Variants in SIRT3 observed in about 807,000 individuals in gnomAD.
SIRT3 encodes NAD-dependent protein deacetylase sirtuin-3, mitochondrial.
A neutral mutation model predicts 33.5 loss-of-function variants in SIRT3; 26 were observed. The ratio of observed to expected loss-of-function variants is 0.78; its 90% confidence interval spans 0.57 to 1.08. The LOEUF (loss-of-function observed/expected upper bound fraction) is 1.08, where lower values mean the gene tolerates loss of function less well. Among genes scored for constraint, SIRT3 ranks in the 50% least tolerant of loss-of-function variants. SIRT3 has a pLI of 0.00. For synonymous variants in SIRT3, 237 were observed against 222.1 expected (o/e 1.07, Z -0.60); for missense variants, 585 against 530.1 (o/e 1.10, Z -1.02).
chr11:236,525 G>T, upstream of SIRT3: 1 of 175,904 alleles, frequency 5.7e-6, no homozygotes, highest in Non-Finnish European at 1.1e-5. Context: ...TAGACGTAGA[G>T]GCGAGTAGAG....
At chr11:230,364 CT>C in intron 4 of SIRT3, 87 bp downstream of exon 4, 1 of 672,496 alleles carries the variant, frequency 1.5e-6, no homozygotes, top group Non-Finnish European at 2.3e-6. Context: ...TTCAACTGTC[CT>C]TTCGAGACAA....
upstream of SIRT3, chr11:236,381 G>GCGGCGCCCCGA: frequency 7.6e-6 from 1 of 132,366 alleles, no homozygotes; most frequent in Non-Finnish European, 9.2e-6. Flanking sequence ...CGGCGCCCCG[G>GCGGCGCCCCGA]CCCCGCCTCC....
intron 4 of SIRT3, chr11:225,926 C>T (rs1857122130): frequency 6.6e-6 from 1 of 152,212 alleles, no homozygotes; most frequent in Admixed American, 6.5e-5. Flanking sequence ...ACAGGAAAAA[C>T]ATGAGTCACG....
At chr11:235,943 C>G in intron 1 of SIRT3, 105 bp downstream of exon 1, 1 of 1,298,458 alleles carries the variant, frequency 7.7e-7, no homozygotes, top group Non-Finnish European at 1.0e-6. Context: ...TTGGAACGCA[C>G]GTAAACTCCC....
Position 232,980 on chromosome 11 carries a change from CA to C in SIRT3, c.706+2del, listed in dbSNP as rs1250221203. ...GAATGTGTGCGACTCACAGAGGGCT[CA>C]CCTCTCTCAAGCCCATCGATGTTCT... On this transcript the variant is annotated splice_donor_variant, in intron 3 of 6. Coordinates refer to ENST00000382743, the MANE Select transcript of SIRT3 (RefSeq NM_012239.6). LOFTEE classifies it high-confidence loss of function. 6.2e-7 allele frequency: 1 copy of C among 1,612,304 alleles called. No individual in the cohort carries two copies. Among genetic ancestry groups the C allele is most frequent in the Non-Finnish European group, 8.5e-7 (1 of 1,178,370 alleles).
intron 3 of SIRT3, chr11:230,773 G>A (rs1857844796): frequency 8.1e-6 from 3 of 372,506 alleles, no homozygotes; most frequent in South Asian, 2.4e-4. Context: ...CCAAATCACG[G>A]TTAAAACAAA....
intron 4 of SIRT3, among the ~76,000 whole-genome samples, chr11:229,228 G>A (rs894365305): frequency 3.2e-4 from 49 of 152,282 alleles, no homozygotes; most frequent in African/African-American, 9.9e-4. Context: ...AGAGGCAGGC[G>A]GATCACGAGG....
chr11:216,866 G>T, intron 6 of SIRT3, 148 bp from the exon 7 acceptor site: 1 of 887,206 alleles, frequency 1.1e-6, no homozygotes, highest in Non-Finnish European at 1.8e-6. Context: ...TGCTGTGCTG[G>T]GCTAAGAGGA....
chr11:219,666 C>T (rs1856160354), intron 5 of SIRT3, among the ~76,000 whole-genome samples: 1 of 150,140 alleles, frequency 6.7e-6, no homozygotes, highest in Non-Finnish European at 1.5e-5. Flanking sequence ...GGCTCATTAT[C>T]TGGGAGGAAA....
chr11:230,922 A>C (rs1245191754), intron 3 of SIRT3, among the ~76,000 whole-genome samples: 2 of 152,176 alleles, frequency 1.3e-5, no homozygotes, highest in African/African-American at 4.8e-5. Flanking sequence ...CTAGGAGTTC[A>C]AGACCGGCCT....
At chr11:225,352 C>T (rs1335145698) in intron 4 of SIRT3, among the ~76,000 whole-genome samples, 1 of 152,130 alleles carries the variant, frequency 6.6e-6, no homozygotes, top group Non-Finnish European at 1.5e-5. Context: ...GCGGAGGTTG[C>T]TGTGAGCTGA....
rs200128459 is a variant in SIRT3 at position 215,477 on chromosome 11, G to C, written c.*1221C>G. On this transcript the variant is annotated 3_prime_UTR_variant, in exon 7 of 7. Transcript: ENST00000382743. ...TTTTAGAATTCAACAGTTTTCCTAGGTCACCAATTCCACCTTTTGTTCTTA... is the reference window on the plus strand; with the variant it reads ...TTTTAGAATTCAACAGTTTTCCTAGCTCACCAATTCCACCTTTTGTTCTTA... 1.3e-5 allele frequency: 2 copies of C among 152,158 alleles called. No homozygotes were observed. Among genetic ancestry groups the C allele is most frequent in the South Asian group, 4.1e-4 (2 of 4,834 alleles). The allele number at this position is 152,158 out of a possible 1,614,324, so 9.4% of individuals were successfully genotyped here.
rs768153460 is a variant in SIRT3 at position 233,344 on chromosome 11, T to A, written c.472A>T (p.Arg158Ter). ...GGCAGGTGGGACTGTGGGCAGTACC[T>A]GAAGTCTGGAATGCCACTGGGTGTG... ...ISTPSGIPDF[R>*]SPGSGLYSNL... Residue 158 changes from arginine (R) to a stop codon, truncating the protein, a stop_gained and splice_region_variant, in exon 2 of 7, where the codon AGA (arginine) becomes TGA (stop). Transcript: ENST00000382743. LOFTEE classifies it high-confidence loss of function. 6.2e-7 allele frequency: 1 copy of A among 1,613,248 alleles called. No individual in the cohort carries two copies. The highest frequency in any genetic ancestry group is 1.7e-5 in the Admixed American group (1 of 59,946).
Position 236,196 on chromosome 11 carries a change from C to G in SIRT3, c.133G>C (p.Asp45His). ...GCRLVLGGRD[D>H]VSAGLRGSHG... ...CTGCCTCTCAGCCCCGCACTCACAT[C>G]GTCCCTGCCGCCAAGCACCAGCCGA... is the stretch of plus-strand genomic sequence containing the variant. The change falls in exon 1 of 7, where the codon GAT becomes CAT. Residue 45 changes from aspartate to histidine, a missense_variant. Coordinates refer to ENST00000382743, the MANE Select transcript of SIRT3 (RefSeq NM_012239.6). 6.4e-7 allele frequency: 1 copy of G among 1,560,228 alleles called. No homozygotes were observed. Among genetic ancestry groups the G allele is most frequent in the Non-Finnish European group, 8.6e-7 (1 of 1,156,076 alleles).
In SIRT3 at chr11:223,821, C is replaced by G; in HGVS notation, c.969+257G>C. 1 of 899,406 alleles carries G rather than the reference C, an allele frequency of 1.1e-6. No individual in the cohort carries two copies. Among genetic ancestry groups the G allele is most frequent in the African/African-American group, 1.7e-5 (1 of 57,554 alleles). The allele number at this position is 899,406 out of a possible 1,614,324, so 55.7% of individuals were successfully genotyped here. A position where few individuals can be genotyped will look rare whatever the true frequency, so the allele number is the denominator to read the frequency against. ...ATGACTCCTGTACCCCTCCCTTCCC[C>G]TGCCCTCCAGCCTCCTCCCTGCACA... is the stretch of plus-strand genomic sequence containing the variant. On this transcript the variant is annotated intron_variant, in intron 5 of 6. Coordinates refer to ENST00000382743, the MANE Select transcript of SIRT3 (RefSeq NM_012239.6). This position sits in a 1 kb window ranked among gnomAD's most constrained non-coding sequence, Gnocchi z 4.8.
intron 4 of SIRT3, among the ~76,000 whole-genome samples, chr11:225,108 G>C (rs1401013293): frequency 6.9e-6 from 1 of 144,164 alleles, no homozygotes; most frequent in African/African-American, 2.6e-5. Flanking sequence ...AAAAAAAAAA[G>C]ATGAACTTGA....
intron 5 of SIRT3, among the ~76,000 whole-genome samples, chr11:221,153 C>T (rs1165405716): frequency 6.6e-6 from 1 of 152,264 alleles, no homozygotes; most frequent in Non-Finnish European, 1.5e-5. Flanking sequence ...GGATCTCATT[C>T]TGTTACCCAG....
chr11:236,182 C>A lies in SIRT3; in HGVS notation c.147G>T (p.Gly49=). 6.4e-7 allele frequency: 1 copy of A among 1,564,012 alleles called. No individual in the cohort carries two copies. Among genetic ancestry groups the A allele is most frequent in the Non-Finnish European group, 8.6e-7 (1 of 1,157,304 alleles). ...VLGGRDDVSA[G]LRGSHGARGE... is the part of the protein sequence containing the mutation. ...CGCGGGCCCCATGGCTGCCTCTCAG[C>A]CCCGCACTCACATCGTCCCTGCCGC... Residue 49 remains glycine (G), a synonymous_variant, in exon 1 of 7, where the codon GGG becomes GGT. Coordinates refer to ENST00000382743, the MANE Select transcript of SIRT3 (RefSeq NM_012239.6).
Position 236,295 on chromosome 11 carries a change from G to C in SIRT3, c.34C>G (p.Leu12Val). Reference sequence around the variant, plus strand: ...TCAACTACCCGGCCCCACAGCCGGAGGGCTGCCGCGGCGCGCCAACCCCAG... The same window carrying C: ...TCAACTACCCGGCCCCACAGCCGGACGGCTGCCGCGGCGCGCCAACCCCAG... ...AFWGWRAAAA[L>V]RLWGRVVERV... is the part of the protein sequence containing the mutation. Residue 12 changes from leucine to valine, a missense_variant, in exon 1 of 7, where the codon CTC becomes GTC. Physicochemically the swap from Leu to Val is conservative, Grantham distance 32. Transcript: ENST00000382743. 2 of 1,527,368 alleles carry C rather than the reference G, an allele frequency of 1.3e-6. No individual in the cohort carries two copies. Among genetic ancestry groups the C allele is most frequent in the Non-Finnish European group, 1.7e-6 (2 of 1,144,226 alleles). 94.6% of individuals were successfully genotyped at this position (1,527,368 alleles called of 1,614,324 possible). A position where few individuals can be genotyped will look rare whatever the true frequency, so the allele number is the denominator to read the frequency against.
Sources: gnomAD v4.1 joint callset for allele counts (sites outside exome capture counted in the v4.1 genomes callset) on GRCh38, gnomAD v4.1.1 for gene constraint, Gnocchi (gnomAD v3.1) non-coding constraint, MANE v1.5 for transcripts, NCBI Gene and HGNC (gene_info 2026-07-23, HGNC 2026-07-21) for gene names.